Variants in LPA observed in about 807,000 individuals in gnomAD.
LPA encodes lipoprotein(a).
Under a neutral mutation model 197.9 loss-of-function variants are expected in LPA, and 199 were observed. That is an observed-to-expected ratio of 1.01 (90% confidence interval 0.90 to 1.13). The LOEUF (loss-of-function observed/expected upper bound fraction) is 1.13, where lower values mean the gene tolerates loss of function less well. LPA is among the 50% of genes most tolerant of loss of function. LPA has a pLI of 0.00. For synonymous variants in LPA, 715 were observed against 639.5 expected (o/e 1.12, Z -1.78); for missense variants, 1,853 against 1,785.8 (o/e 1.04, Z -0.68).
At chr6:160,584,932 C>T (rs1778878365) in intron 26 of LPA, 114 bp downstream of exon 26, 1 of 1,108,270 alleles carries the variant, frequency 9.0e-7, no homozygotes, top group Non-Finnish European at 1.4e-6. Context: ...CATTTTGCTA[C>T]AAACTCTGAG....
In LPA at chr6:160,589,687, G is replaced by T; in HGVS notation, c.3813C>A (p.Val1271=). The T allele has an allele frequency of 1.2e-6, 2 of 1,613,892 alleles. No individual in the cohort carries two copies. Among genetic ancestry groups the T allele is most frequent in the Non-Finnish European group, 1.7e-6 (2 of 1,179,828 alleles). Residue 1271 remains valine (V), a synonymous_variant, in exon 24 of 39, where the codon GTC becomes GTA. Transcript: ENST00000316300. ...GTCCATCACCATGGTAGCAGTCCTG[G>T]ACTGTGGGGCTTTGCTCCGTTGGTG... The part of the protein sequence containing the change: ...EQAPTEQSPT[V]QDCYHGDGQS...
chr6:160,606,675 G>C lies in LPA; in HGVS notation c.2604-17C>G, dbSNP rs1034841939. The C allele has an allele frequency of 2.5e-6, 4 of 1,613,610 alleles. No individual in the cohort carries two copies. The highest frequency in any genetic ancestry group is 1.3e-5 in the African/African-American group (1 of 74,870). On this transcript the variant is annotated splice_polypyrimidine_tract_variant and intron_variant, in intron 16 of 38. Transcript: ENST00000316300. ...ATCAAGCCACTGGAAATTCCAAAAC[G>C]ATACACGTCACAAGAGGTGGGACAA...
At chr6:160,573,253 T>A (rs1274983602) in intron 28 of LPA, among the ~76,000 whole-genome samples, 2 of 152,202 alleles carry the variant, frequency 1.3e-5, no homozygotes, top group African/African-American at 4.8e-5. Flanking sequence ...ATGTCACATT[T>A]CCAAAGGTGT....
intron 20 of LPA, among the ~76,000 whole-genome samples, chr6:160,598,551 C>G (rs570223711): frequency 6.6e-6 from 1 of 152,134 alleles, no homozygotes; most frequent in Non-Finnish European, 1.5e-5. Context: ...ATGTGGAAAC[C>G]GTTTTGCCGT....
chr6:160,611,297 G>C (rs6455696), intron 16 of LPA, among the ~76,000 whole-genome samples: 53,432 of 151,814 alleles, frequency 0.35, 9,753 homozygotes, highest in East Asian at 0.42. Flanking sequence ...AGTGTTTGGT[G>C]GTTCGTCATT....
Position 160,590,910 on chromosome 6 carries a change from C to T in LPA, c.3787+34G>A. 1.9e-6 allele frequency: 3 copies of T among 1,613,628 alleles called. No homozygotes were observed. The South Asian group carries it at 3.3e-5, about 18-fold the overall frequency. On this transcript the variant is annotated intron_variant, in intron 23 of 38. Coordinates refer to ENST00000316300, the MANE Select transcript of LPA (RefSeq NM_005577.4). ...TTGCAACTCTTTTTATCCCAACGTC[C>T]AAGGGTGTGGTTGTCTGGCCAGAGA...
chr6:160,580,681 C>T (rs62441908), intron 26 of LPA, among the ~76,000 whole-genome samples: 29,325 of 152,000 alleles, frequency 0.19, 3,163 homozygotes, highest in East Asian at 0.4. Context: ...TGCACTTTTT[C>T]AGGTGATTGT....
intron 1 of LPA, among the ~76,000 whole-genome samples, chr6:160,660,082 T>G (rs1780199667): frequency 6.6e-6 from 1 of 152,274 alleles, no homozygotes; most frequent in African/African-American, 2.4e-5. Context: ...CTTGTTTCTT[T>G]AACACCTGTG....
chr6:160,555,277 ATAT>A lies in LPA; in HGVS notation c.4973+745_4973+747del, dbSNP rs1178076310. ...ATATTATATTATATTATATTATATT[ATAT>A]TATATTATATGTTAGTGTGTGTGTG... On this transcript the variant is annotated intron_variant, in intron 30 of 38. Coordinates refer to ENST00000316300, the MANE Select transcript of LPA (RefSeq NM_005577.4). Among the ~76,000 whole-genome samples the A allele has an allele frequency of 2.5e-4, 31 of 122,256 alleles. 1 individual carries two copies. The East Asian group carries it at 6.7e-3, about 27-fold the overall frequency. The allele number at this position is 122,256 out of a possible 152,430, so 80.2% of individuals were successfully genotyped here.
intron 1 of LPA, 46 bp from the exon 2 acceptor site, chr6:160,650,543 GA>G (rs749848842): frequency 1.3e-6 from 2 of 1,590,146 alleles, no homozygotes; most frequent in African/African-American, 2.7e-5. Flanking sequence ...TCTTAGAACA[GA>G]AAAAAATGTG....
intron 21 of LPA, 54 bp downstream of exon 21, chr6:160,595,300 A>G (rs1779108393): frequency 1.2e-6 from 2 of 1,603,078 alleles, no homozygotes; most frequent in East Asian, 2.2e-5. Context: ...AGATTTTGCA[A>G]CTCTTTTCAT....
In LPA at chr6:160,600,932, C is replaced by T; in HGVS notation, c.3112G>A (p.Ala1038Thr). The T allele has an allele frequency of 2.5e-6, 4 of 1,612,648 alleles. No individual in the cohort carries two copies. Among genetic ancestry groups the T allele is most frequent in the Non-Finnish European group, 3.4e-6 (4 of 1,179,966 alleles). ...PNVILAPSLE[A>T]FFEQALTEET... is the part of the protein sequence containing the mutation. The stretch of plus-strand genomic sequence containing the variant: ...AACTTCTTACCTTGTTCAAAAAAAG[C>T]CTCTAGGCTTGGAGCCAGAATAACA... Residue 1038 changes from alanine (A) to threonine (T), a missense_variant, in exon 19 of 39, where the codon GCT becomes ACT. Ala to Thr is a moderately conservative substitution (Grantham distance 58). Around this residue, in one of 3 missense-constraint regions of LPA, gnomAD observed 1,737 missense variants for 1,504.4 expected, o/e 1.15. Coordinates refer to ENST00000316300, the MANE Select transcript of LPA (RefSeq NM_005577.4).
chr6:160,657,398 CTT>C (rs56850029), intron 1 of LPA, among the ~76,000 whole-genome samples: 2,328 of 134,610 alleles, frequency 0.017, 56 homozygotes, highest in African/African-American at 0.06. Context: ...ACTATTATAA[CTT>C]TTTTTTTTTT....
At chr6:160,576,380 A>ATGTGTATG (rs1450115783) in intron 28 of LPA, among the ~76,000 whole-genome samples, 1 of 60,392 alleles carries the variant, frequency 1.7e-5, no homozygotes, top group Non-Finnish European at 2.7e-5. Context: ...ATATATATAT[A>ATGTGTATG]TATATATATG....
intron 21 of LPA, 72 bp downstream of exon 21, chr6:160,595,282 T>C (rs1779108029): frequency 6.4e-7 from 1 of 1,572,392 alleles, no homozygotes; most frequent in Non-Finnish European, 8.7e-7. Context: ...AAGGCTTCTA[T>C]ATCACTAAGA....
intron 24 of LPA, 81 bp downstream of exon 24, chr6:160,589,472 G>A (rs927162699): frequency 1.9e-6 from 3 of 1,543,296 alleles, no homozygotes; most frequent in Admixed American, 1.7e-5. Flanking sequence ...TGGGTCATAA[G>A]AAGTTAGCTG....
intron 28 of LPA, among the ~76,000 whole-genome samples, chr6:160,565,641 C>T (rs937456829): frequency 1.3e-5 from 2 of 152,192 alleles, no homozygotes; most frequent in African/African-American, 4.8e-5. Flanking sequence ...AACGCAGCTC[C>T]TCACGAGCAA....
intron 7 of LPA, 47 bp downstream of exon 7, chr6:160,635,076 T>C (rs1210720619): frequency 2.6e-6 from 3 of 1,136,326 alleles, no homozygotes; most frequent in South Asian, 2.5e-5. Context: ...CCATGGCTTT[T>C]CATCCCAGCA....
In LPA at chr6:160,605,142, C is replaced by T. The variant is rs1562341049; in HGVS notation, c.2849G>A (p.Gly950Asp). 5 of 1,613,966 alleles carry T rather than the reference C, an allele frequency of 3.1e-6. No homozygotes were observed. In the South Asian group the frequency reaches 5.5e-5, roughly 18 times the overall value. The change falls in exon 18 of 39, where the codon GGC becomes GAC. Residue 950 changes from glycine (G) to aspartate (D), a missense_variant. Transcript: ENST00000316300. ...TCCTGTGACAGTAATGAAGTATGTG[C>T]CTTGATAACTCTGTCCATTTCCGTG... Reference protein sequence around the residue: ...CYHGNGQSYQGTYFITVTGRT... With the variant: ...CYHGNGQSYQDTYFITVTGRT...
Sources: gnomAD v4.1 joint callset for allele counts (sites outside exome capture counted in the v4.1 genomes callset) on GRCh38, gnomAD v4.1.1 for gene constraint, gnomAD v4.1.1 regional missense constraint, MANE v1.5 for transcripts, NCBI Gene and HGNC (gene_info 2026-07-23, HGNC 2026-07-21) for gene names.